PCM1: variants seen among roughly 807,000 people sequenced by gnomAD.
PCM1 encodes the protein pericentriolar material 1 protein.
A neutral mutation model predicts 241.9 loss-of-function variants in PCM1; 157 were observed. That is an observed-to-expected ratio of 0.65 (90% confidence interval 0.57 to 0.74). The LOEUF is 0.74. Among genes scored for constraint, PCM1 ranks in the 30% least tolerant of loss-of-function variants. The pLI, the probability that PCM1 is intolerant of heterozygous loss-of-function variation, is 0.00. For synonymous variants in PCM1, 1,085 were observed against 784.9 expected, an observed-to-expected ratio of 1.38 and a Z score of -6.39; for missense variants, 3,478 against 2,360.1, an observed-to-expected ratio of 1.47 and a Z score of -9.81.
rs2082460352 is a variant in PCM1, at chr8:17,986,009, A to G, written c.4332A>G (p.Val1444=). 6.3e-7 allele frequency: 1 copy of G among 1,594,748 alleles called. No homozygotes were observed. The highest frequency in any genetic ancestry group is 8.6e-7 in the Non-Finnish European group (1 of 1,165,984). The part of the protein sequence containing the change: ...ISESHEKGEN[V]KSVNSGTWIA... ...AGAGCCATGAAAAAGGAGAAAATGT[A>G]AAGTCAGTAAACTCTGGTACTTGGA... The change falls in exon 26 of 39, where the codon GTA becomes GTG. Residue 1444 remains valine (V), a synonymous_variant. Coordinates refer to ENST00000325083, the MANE Select transcript of PCM1 (RefSeq NM_006197.4).
rs1460626434 is a variant in PCM1, at chr8:18,006,246, A to T, written c.4828-17A>T. 3 of 1,584,712 alleles carry T rather than the reference A, an allele frequency of 1.9e-6. No individual in the cohort carries two copies. The highest frequency in any genetic ancestry group is 1.1e-5 in the South Asian group (1 of 87,436). On this transcript the variant is annotated splice_polypyrimidine_tract_variant and intron_variant, in intron 29 of 38. Coordinates refer to ENST00000325083, the MANE Select transcript of PCM1 (RefSeq NM_006197.4). ...AATAGGTAAGTTTATATTCTAACCA[A>T]CTAGGATTTTTCTCAGGAGCACATG...
At chr8:17,960,578 G>A in intron 15 of PCM1, 134 bp downstream of exon 15, 1 of 580,226 alleles carries the variant, frequency 1.7e-6, no homozygotes, top group East Asian at 3.7e-5. Context: ...AGGCTGAAGT[G>A]CAGTGGCGTG....
At chr8:18,014,888 C>CAT in intron 36 of PCM1, 48 bp downstream of exon 36, 5 of 1,451,534 alleles carry the variant, frequency 3.4e-6, no homozygotes, top group Non-Finnish European at 4.6e-6. Context: ...CATTTCTGTG[C>CAT]ATATTTCTTC....
At chr8:17,928,906 AC>A (rs2058067874) in intron 2 of PCM1, among the ~76,000 whole-genome samples, 1 of 151,976 alleles carries the variant, frequency 6.6e-6, no homozygotes, top group Admixed American at 6.6e-5. Flanking sequence ...TGCTGGTATT[AC>A]AGGCGTGAGC....
At position 17,938,934 on chromosome 8, in the gene PCM1, A is replaced by G. The variant is rs370182125; in HGVS notation, c.537A>G (p.Leu179=). Residue 179 remains leucine, a synonymous_variant, in exon 5 of 39, where the codon TTA becomes TTG. Transcript: ENST00000325083. ...GTAAAGAGTTGTTTGCTTCTGCTTT[A>G]AGTAATGACCTCTTGCAAAACTGTC... ...AQCKELFASA[L]SNDLLQNCQV... is the part of the protein sequence containing the mutation. The G allele has an allele frequency of 1.2e-6, 2 of 1,613,764 alleles. No individual in the cohort carries two copies. The highest frequency in any genetic ancestry group is 1.3e-5 in the African/African-American group (1 of 75,066).
chr8:17,995,092 A>AT, intron 29 of PCM1, among the ~76,000 whole-genome samples: 1 of 151,384 alleles, frequency 6.6e-6, no homozygotes, highest in African/African-American at 2.5e-5. Flanking sequence ...CACTCAAGAA[A>AT]TTTTTGCCCA....
chr8:17,956,699 A>T lies in PCM1; in HGVS notation c.1568A>T (p.Glu523Val). Residue 523 changes from glutamate (E) to valine (V), a missense_variant, in exon 11 of 39, where the codon GAA becomes GTA. Transcript: ENST00000325083. ...TSDMMTDAVN[E>V]NRKDEETEES... ...GACATGATGACAGATGCTGTGAATGAAAACAGGAAAGATGAAGAAACTGAA... is the reference window on the plus strand; with the variant it reads ...GACATGATGACAGATGCTGTGAATGTAAACAGGAAAGATGAAGAAACTGAA... The T allele has an allele frequency of 6.2e-7, 1 of 1,606,026 alleles. No individual in the cohort carries two copies. The highest frequency in any genetic ancestry group is 8.5e-7 in the Non-Finnish European group (1 of 1,174,698).
rs1479087198 is a variant in PCM1, at chr8:18,007,369, T to A, written c.4962+972T>A. 2.0e-5 allele frequency among the ~76,000 whole-genome samples: 3 copies of A among 152,352 alleles called. No homozygotes were observed. The East Asian group carries it at 5.8e-4, about 29-fold the overall frequency. On this transcript the variant is annotated intron_variant, in intron 30 of 38. Coordinates refer to ENST00000325083, the MANE Select transcript of PCM1 (RefSeq NM_006197.4). ...GTTAGTATTAGGACTAAAGGACAAA[T>A]TGTCCTGGCCCCGTTAGCAGTTATT...
chr8:18,027,095 A>AT (rs1459873885), intron 38 of PCM1, among the ~76,000 whole-genome samples: 1 of 152,184 alleles, frequency 6.6e-6, no homozygotes, highest in Non-Finnish European at 1.5e-5. Context: ...GTTGATGAAA[A>AT]TTGCATGATA....
rs2094383208 is a variant in PCM1 at position 18,028,889 on chromosome 8, C to A, written c.*1227C>A. ...CTTGCTGCCCAGGCACCATGGCTCA[C>A]TCCTGTAATCCCAGCACCTTGGGAG... On this transcript the variant is annotated 3_prime_UTR_variant, in exon 39 of 39. Transcript: ENST00000325083. The A allele has an allele frequency of 5.5e-6, 1 of 182,882 alleles. No homozygotes were observed. Among genetic ancestry groups the A allele is most frequent in the East Asian group, 8.9e-5 (1 of 11,280 alleles). 11.3% of individuals were successfully genotyped at this position (182,882 alleles called of 1,614,324 possible).
At chr8:18,007,680 G>A (rs797012998) in intron 30 of PCM1, among the ~76,000 whole-genome samples, 8 of 152,156 alleles carry the variant, frequency 5.3e-5, no homozygotes, top group African/African-American at 1.2e-4. Context: ...GTTAATTTAC[G>A]TTAAATATTG....
chr8:18,008,441 A>G (rs1270344537), intron 30 of PCM1, among the ~76,000 whole-genome samples: 1 of 152,070 alleles, frequency 6.6e-6, no homozygotes, highest in Non-Finnish European at 1.5e-5. Flanking sequence ...ACTATATGTT[A>G]CAGTGTAATA....
At chr8:18,026,120 C>T (rs1362818888) in intron 38 of PCM1, among the ~76,000 whole-genome samples, 22 of 107,598 alleles carry the variant, frequency 2.0e-4, no homozygotes, top group African/African-American at 5.8e-4. Context: ...GCTGAGATAG[C>T]GCCACTGCAC....
In PCM1 at chr8:17,939,004, A is replaced by C; in HGVS notation, c.607A>C (p.Ser203Arg). ...GAGGGGAGAACCTGCAATGGAGAGCAGCCAGGTGATAACGTTTGTTTCTTT... is the reference window on the plus strand; with the variant it reads ...GAGGGGAGAACCTGCAATGGAGAGCCGCCAGGTGATAACGTTTGTTTCTTT... ...DGRGEPAMES[S>R]QIVSRLVQIR... is the part of the protein sequence containing the mutation. Residue 203 changes from serine (S) to arginine (R), a missense_variant, in exon 5 of 39, where the codon AGC (serine) becomes CGC (arginine). Coordinates refer to ENST00000325083, the MANE Select transcript of PCM1 (RefSeq NM_006197.4). 1 of 1,613,564 alleles carries C rather than the reference A, an allele frequency of 6.2e-7. No individual in the cohort carries two copies. The highest frequency in any genetic ancestry group is 1.1e-5 in the South Asian group (1 of 91,036).
intron 24 of PCM1, chr8:17,983,434 T>G (rs558178324): frequency 3.0e-6 from 1 of 331,670 alleles, no homozygotes; most frequent in South Asian, 3.1e-5. Flanking sequence ...TAATTTATAT[T>G]CATAAAATTC....
At position 17,924,693 on chromosome 8, in the gene PCM1, A is replaced by G. The variant is rs1013614173; in HGVS notation, c.-90-20A>G. On this transcript the variant is annotated intron_variant, in intron 1 of 38. Transcript: ENST00000325083. ...CGTAAGTAATTTACTTAAGTGATAC[A>G]TATTTTTAATCCTAATTAGGAAACA... 4 of 152,374 alleles carry G rather than the reference A, an allele frequency of 2.6e-5. No homozygotes were observed. The highest frequency in any genetic ancestry group is 4.1e-4 in the South Asian group (2 of 4,832). The allele number at this position is 152,374 out of a possible 1,614,324, so 9.4% of individuals were successfully genotyped here.
chr8:17,999,121 G>C (rs562763539), intron 29 of PCM1, among the ~76,000 whole-genome samples: 19 of 152,196 alleles, frequency 1.2e-4, no homozygotes, highest in African/African-American at 4.6e-4. Flanking sequence ...CGGATCCCAG[G>C]AGCCTGCTTG....
intron 7 of PCM1, among the ~76,000 whole-genome samples, chr8:17,948,295 T>C (rs1433403752): frequency 6.5e-5 from 1 of 15,378 alleles, no homozygotes; most frequent in South Asian, 1.3e-3. Context: ...AAATAACCTC[T>C]TTTTTTTTTT....
chr8:17,955,085 C>T (rs1377787188), intron 9 of PCM1, among the ~76,000 whole-genome samples: 3 of 152,100 alleles, frequency 2.0e-5, no homozygotes, highest in African/African-American at 7.2e-5. Flanking sequence ...CCCTGTTTAA[C>T]TTAACCTAGA....
Sources: allele counts gnomAD v4.1 joint callset (sites outside exome capture counted in the v4.1 genomes callset), GRCh38; gene constraint gnomAD v4.1.1; transcripts MANE v1.5; gene names NCBI Gene and HGNC (gene_info 2026-07-23, HGNC 2026-07-21).